SHLD1: variants seen among roughly 807,000 people sequenced by gnomAD.
SHLD1 encodes RINN1-REV7-interacting novel NHEJ regulator 3.
A neutral mutation model predicts 5.5 loss-of-function variants in SHLD1; 3 were observed. That is an observed-to-expected ratio of 0.54 (90% CI 0.25 to 1.40). SHLD1 has a LOEUF of 1.40. Among genes scored for constraint, SHLD1 ranks in the 40% most tolerant of loss-of-function variants. The pLI is 0.15. For missense variants in SHLD1, 210 were observed against 244.4 expected (o/e 0.86, Z 0.94); for synonymous variants, 92 against 94.3 (o/e 0.98, Z 0.14).
At chr20:5,777,603 T>C (rs1195141190) in intron 2 of SHLD1, among the ~76,000 whole-genome samples, 1 of 150,698 alleles carries the variant, frequency 6.6e-6, no homozygotes, top group Non-Finnish European at 1.5e-5. Flanking sequence ...AAAATTTTAT[T>C]TTTTTTTTTT....
At chr20:5,849,677 G>A (rs1202683546) in intron 2 of SHLD1, among the ~76,000 whole-genome samples, 1 of 152,186 alleles carries the variant, frequency 6.6e-6, no homozygotes, top group Non-Finnish European at 1.5e-5. Context: ...ATTCATTGAG[G>A]GGCCGGGCGC....
chr20:5,792,263 C>G (rs1053950145), intron 2 of SHLD1, among the ~76,000 whole-genome samples: 15 of 152,108 alleles, frequency 9.9e-5, no homozygotes, highest in Non-Finnish European at 2.1e-4. Context: ...AAATCATTGC[C>G]AAGTCTAATG....
chr20:5,834,383 A>G (rs1192365417), intron 2 of SHLD1, among the ~76,000 whole-genome samples: 2 of 152,182 alleles, frequency 1.3e-5, no homozygotes, highest in African/African-American at 4.8e-5. Flanking sequence ...GATTATTTAT[A>G]TAATAATATA....
rs144955343 is a variant in SHLD1, at chr20:5,817,394, T to TTCTCTCTCTC, written c.178+44381_178+44390dup. Reference sequence around the variant, plus strand: ...CTTGTTTTTAAGCTCACGGGATATTTTCTCTCTCTCTCTCTCTCTCTCTCT... The same window carrying TTCTCTCTCTC: ...CTTGTTTTTAAGCTCACGGGATATTTTCTCTCTCTCTCTCTCTCTCTCTCTCTCTCTCTCT... On this transcript the variant is annotated intron_variant, in intron 2 of 2. Transcript: ENST00000303142. Among the ~76,000 whole-genome samples the TTCTCTCTCTC allele has an allele frequency of 9.8e-3, 740 of 75,680 alleles. 5 individuals are homozygous for TTCTCTCTCTC. Among genetic ancestry groups the TTCTCTCTCTC allele is most frequent in the African/African-American group, 0.012 (279 of 23,360 alleles). 49.6% of individuals were successfully genotyped at this position (75,680 alleles called of 152,430 possible). A position where few individuals can be genotyped will look rare whatever the true frequency, so the allele number is the denominator to read the frequency against.
chr20:5,750,952 G>A (rs544194155), intron 1 of SHLD1, among the ~76,000 whole-genome samples: 203 of 152,186 alleles, frequency 1.3e-3, no homozygotes, highest in African/African-American at 4.7e-3. Context: ...AGCCCAGATC[G>A]CGCCACTGCA....
chr20:5,844,650 A>G (rs1272630373), intron 2 of SHLD1, among the ~76,000 whole-genome samples: 6 of 151,918 alleles, frequency 3.9e-5, no homozygotes, highest in Non-Finnish European at 8.8e-5. Context: ...CTTCAACTCT[A>G]ATGCCAGGAT....
At chr20:5,840,434 C>G (rs995803283) in intron 2 of SHLD1, among the ~76,000 whole-genome samples, 2 of 152,018 alleles carry the variant, frequency 1.3e-5, no homozygotes, top group African/African-American at 4.8e-5. Flanking sequence ...GAATTCAGAT[C>G]TAGATTGTGT....
At chr20:5,862,306 G>A (rs1055977094) in intron 2 of SHLD1, among the ~76,000 whole-genome samples, 12 of 152,246 alleles carry the variant, frequency 7.9e-5, no homozygotes, top group African/African-American at 2.9e-4. Context: ...TGACTTAAGA[G>A]TGTATGTCTG....
intron 2 of SHLD1, among the ~76,000 whole-genome samples, chr20:5,779,180 C>A (rs1471612346): frequency 2.0e-5 from 3 of 147,876 alleles, no homozygotes; most frequent in African/African-American, 7.5e-5. Context: ...CTAGTCTGGG[C>A]AACAGAGTGA....
intron 2 of SHLD1, among the ~76,000 whole-genome samples, chr20:5,840,912 T>TCC (rs1568527342): frequency 1.7e-5 from 2 of 119,296 alleles, no homozygotes; most frequent in East Asian, 3.2e-4. Context: ...GGATTGCTAT[T>TCC]TCTTTTTTTT....
chr20:5,759,865 A>G (rs1258542608), intron 1 of SHLD1, among the ~76,000 whole-genome samples: 1 of 152,040 alleles, frequency 6.6e-6, no homozygotes, highest in Non-Finnish European at 1.5e-5. Flanking sequence ...ATATAATTTT[A>G]TATCTTAAAA....
chr20:5,790,977 A>G (rs981120387), intron 2 of SHLD1, among the ~76,000 whole-genome samples: 5 of 151,856 alleles, frequency 3.3e-5, no homozygotes, highest in African/African-American at 4.8e-5. Flanking sequence ...ACGTTGGATG[A>G]TATAGTAAGA....
intron 2 of SHLD1, among the ~76,000 whole-genome samples, chr20:5,804,350 A>AC (rs2087343521): frequency 7.3e-6 from 1 of 137,622 alleles, no homozygotes; most frequent in African/African-American, 3.0e-5. Context: ...GCAAAAAAAA[A>AC]CTATATATAT....
chr20:5,853,728 C>T (rs1050947888), intron 2 of SHLD1, among the ~76,000 whole-genome samples: 38 of 152,110 alleles, frequency 2.5e-4, no homozygotes, highest in Non-Finnish European at 5.3e-4. Flanking sequence ...CCTGGGTATT[C>T]CCTAGACTAT....
chr20:5,852,889 G>A (rs1372876133), intron 2 of SHLD1, among the ~76,000 whole-genome samples: 1 of 152,188 alleles, frequency 6.6e-6, no homozygotes, highest in Non-Finnish European at 1.5e-5. Flanking sequence ...GAGGAGTTTG[G>A]CTACTCATAC....
intron 2 of SHLD1, among the ~76,000 whole-genome samples, chr20:5,818,871 T>G (rs1434696933): frequency 2.0e-5 from 3 of 152,128 alleles, no homozygotes; most frequent in Non-Finnish European, 4.4e-5. Flanking sequence ...CTGTTTTGTT[T>G]TGTTTTGTTG....
At chr20:5,770,565 A>G (rs1262831063) in intron 1 of SHLD1, among the ~76,000 whole-genome samples, 2 of 152,300 alleles carry the variant, frequency 1.3e-5, no homozygotes, top group East Asian at 1.9e-4. Context: ...TTCCTAATTC[A>G]TCTATCAATT....
chr20:5,768,583 G>C (rs750880451), intron 1 of SHLD1, among the ~76,000 whole-genome samples: 1 of 152,184 alleles, frequency 6.6e-6, no homozygotes, highest in Non-Finnish European at 1.5e-5. Flanking sequence ...TGTTTGGTCC[G>C]TAGAGGAAAA....
chr20:5,854,935 G>A (rs570248443), intron 2 of SHLD1, among the ~76,000 whole-genome samples: 11 of 145,924 alleles, frequency 7.5e-5, no homozygotes, highest in African/African-American at 2.1e-4. Flanking sequence ...TGGCAGTGGC[G>A]TGATCACAGT....
Sources: allele counts gnomAD v4.1 joint callset (sites outside exome capture counted in the v4.1 genomes callset), GRCh38; gene constraint gnomAD v4.1.1; transcripts MANE v1.5; gene names NCBI Gene and HGNC (gene_info 2026-07-23, HGNC 2026-07-21).